The following LSAMP variants were observed in gnomAD, a reference collection of about 807,000 sequenced individuals.
LSAMP encodes the protein limbic system associated membrane protein.
In LSAMP, 7 loss-of-function variants were observed where a neutral mutation model predicts 38.6. The observed-to-expected ratio is 0.18, with a 90% CI of 0.10 to 0.34. The LOEUF is 0.34. LSAMP is among the 10% of genes least tolerant of loss of function. The pLI, the probability that LSAMP is intolerant of heterozygous loss-of-function variation, is 1.00. For synonymous variants in LSAMP, 154 were observed against 166.8 expected (o/e 0.92, Z 0.59); for missense variants, 313 against 420.0 (o/e 0.75, Z 2.23).
At chr3:116,184,790 G>T (rs902106615) in intron 1 of LSAMP, among the ~76,000 whole-genome samples, 1 of 151,792 alleles carries the variant, frequency 6.6e-6, no homozygotes, top group South Asian at 2.1e-4. Context: ...GCTGAATCTT[G>T]CTGGTTGATT....
intron 1 of LSAMP, among the ~76,000 whole-genome samples, chr3:116,147,326 T>C (rs1709513178): frequency 6.6e-6 from 1 of 151,934 alleles, no homozygotes; most frequent in African/African-American, 2.4e-5. Flanking sequence ...CCTTATAACA[T>C]GCCTTAAGAA....
chr3:116,061,741 T>A (rs1009450954), intron 2 of LSAMP, among the ~76,000 whole-genome samples: 5 of 152,186 alleles, frequency 3.3e-5, no homozygotes, highest in African/African-American at 7.2e-5. Context: ...AAAGGGACAG[T>A]TTTTGTTTTT....
At chr3:116,252,637 T>C (rs9850908) in intron 1 of LSAMP, among the ~76,000 whole-genome samples, 117,366 of 152,190 alleles carry the variant, frequency 0.77, 45,842 homozygotes, top group Non-Finnish European at 0.84. Flanking sequence ...TGACTAAACA[T>C]TTTTAATGAA....
At chr3:116,282,440 C>CTTTT (rs1240768020) in intron 1 of LSAMP, among the ~76,000 whole-genome samples, 2 of 152,090 alleles carry the variant, frequency 1.3e-5, no homozygotes, top group African/African-American at 4.8e-5. Context: ...TTGTAACATT[C>CTTTT]TTTTTTTCTT....
intron 1 of LSAMP, among the ~76,000 whole-genome samples, chr3:116,339,862 A>G (rs527776964): frequency 2.1e-4 from 32 of 152,140 alleles, no homozygotes; most frequent in African/African-American, 7.7e-4. Context: ...CCAGTTACCA[A>G]CCACTGAGCC....
rs187540162 is a variant in LSAMP at position 116,168,382 on chromosome 3, A to C, written c.156-81826T>G. On this transcript the variant is annotated intron_variant, in intron 1 of 6. Transcript: ENST00000490035. ...CATTTGAAACAAGAGAGAAAAAAAAACCCATCATTTTATTGTCAGTTTTGT... is the reference window on the plus strand; with the variant it reads ...CATTTGAAACAAGAGAGAAAAAAAACCCCATCATTTTATTGTCAGTTTTGT... Among the ~76,000 whole-genome samples the C allele has an allele frequency of 3.2e-3, 481 of 152,250 alleles. 1 individual carries two copies. Among genetic ancestry groups the C allele is most frequent in the African/African-American group, 9.4e-3 (392 of 41,550 alleles).
chr3:116,282,159 TAGTG>T (rs1217617152), intron 1 of LSAMP, among the ~76,000 whole-genome samples: 1 of 152,110 alleles, frequency 6.6e-6, no homozygotes, highest in East Asian at 1.9e-4. Flanking sequence ...TTCATTGAAA[TAGTG>T]AGAGTTTGGT....
chr3:116,092,293 G>C (rs778117073), intron 1 of LSAMP, among the ~76,000 whole-genome samples: 1 of 152,106 alleles, frequency 6.6e-6, no homozygotes, highest in African/African-American at 2.4e-5. Flanking sequence ...GAATTATTGA[G>C]TGTGGTATTA....
chr3:115,938,498 T>A (rs538746721), intron 3 of LSAMP, among the ~76,000 whole-genome samples: 11 of 152,312 alleles, frequency 7.2e-5, no homozygotes, highest in African/African-American at 2.6e-4. Flanking sequence ...GAAATAATAT[T>A]TTGAATAAAT....
intron 3 of LSAMP, among the ~76,000 whole-genome samples, chr3:115,910,221 T>A (rs1002903217): frequency 6.6e-6 from 1 of 152,188 alleles, no homozygotes; most frequent in African/African-American, 2.4e-5. Flanking sequence ...TTCTCTTTTT[T>A]CCACCAAGCA....
intron 2 of LSAMP, among the ~76,000 whole-genome samples, chr3:116,035,387 T>C (rs988053469): frequency 2.0e-5 from 3 of 152,118 alleles, no homozygotes; most frequent in African/African-American, 7.2e-5. Flanking sequence ...CCTGGAGTAA[T>C]AGAAATGTTT....
chr3:116,139,029 G>A (rs1709314943), intron 1 of LSAMP, among the ~76,000 whole-genome samples: 1 of 151,456 alleles, frequency 6.6e-6, no homozygotes, highest in South Asian at 2.1e-4. Flanking sequence ...TAATGCATAT[G>A]CACATTACAT....
rs558830337 is a variant in LSAMP, at chr3:116,339,704, T to A, written c.155+105173A>T. Among the ~76,000 whole-genome samples the A allele has an allele frequency of 3.8e-4, 58 of 152,170 alleles. No individual in the cohort carries two copies. The South Asian group carries it at 0.011, about 29-fold the overall frequency. On this transcript the variant is annotated intron_variant, in intron 1 of 6. Coordinates refer to ENST00000490035, the MANE Select transcript of LSAMP (RefSeq NM_002338.5). ...CTCAAAATACTTTTCCTTCAGAGCT[T>A]TGAGCCACCAGATGAGAAGTCTGAG...
At chr3:115,877,190 C>T (rs1936203298) in intron 3 of LSAMP, among the ~76,000 whole-genome samples, 1 of 152,086 alleles carries the variant, frequency 6.6e-6, no homozygotes, top group African/African-American at 2.4e-5. Flanking sequence ...GATAACAAAA[C>T]CTTATTCCAG....
At chr3:116,358,838 A>C (rs1329985473) in intron 1 of LSAMP, among the ~76,000 whole-genome samples, 3 of 152,306 alleles carry the variant, frequency 2.0e-5, no homozygotes, top group Admixed American at 6.5e-5. Flanking sequence ...GAAAGCTAAA[A>C]ATTGTTAATA....
In LSAMP at chr3:116,148,927, G is replaced by A. The variant is rs540528617; in HGVS notation, c.156-62371C>T. On this transcript the variant is annotated intron_variant, in intron 1 of 6. Coordinates refer to ENST00000490035, the MANE Select transcript of LSAMP (RefSeq NM_002338.5). ...AATCACAGAAGTCAATAGAGAAAAT[G>A]GCACAGGCTATGAAAAGACTAGTTA... Among the ~76,000 whole-genome samples, 27 of 152,136 alleles carry A rather than the reference G, an allele frequency of 1.8e-4. 1 individual carries two copies. Among genetic ancestry groups the A allele is most frequent in the African/African-American group, 6.3e-4 (26 of 41,544 alleles).
intron 3 of LSAMP, among the ~76,000 whole-genome samples, chr3:115,928,561 T>G (rs1937526314): frequency 6.6e-6 from 1 of 152,234 alleles, no homozygotes; most frequent in African/African-American, 2.4e-5. Context: ...AGATGAGAAC[T>G]TCCTTTAAAA....
chr3:116,292,850 G>A (rs1460206070), intron 1 of LSAMP, among the ~76,000 whole-genome samples: 1 of 152,184 alleles, frequency 6.6e-6, no homozygotes, highest in Admixed American at 6.5e-5. Context: ...CTAAGGGCAT[G>A]TAAGGGTAAA....
At chr3:116,058,330 T>C (rs1279436852) in intron 2 of LSAMP, among the ~76,000 whole-genome samples, 1 of 152,020 alleles carries the variant, frequency 6.6e-6, no homozygotes, top group Non-Finnish European at 1.5e-5. Context: ...AAGTGGAATA[T>C]GAGAGGTGGA....
Sources: gnomAD v4.1 joint callset for allele counts (sites outside exome capture counted in the v4.1 genomes callset) on GRCh38, gnomAD v4.1.1 for gene constraint, MANE v1.5 for transcripts, NCBI Gene and HGNC (gene_info 2026-07-23, HGNC 2026-07-21) for gene names.